PRCD: variants seen among roughly 807,000 people sequenced by gnomAD.
PRCD encodes photoreceptor disk component PRCD.
Under a neutral mutation model 10.1 loss-of-function variants are expected in PRCD, and 12 were observed. That is an observed-to-expected ratio of 1.18 (90% CI 0.76 to 1.92). The LOEUF is 1.92. Among genes scored for constraint, PRCD ranks in the 40% most tolerant of loss-of-function variants. The probability of loss-of-function intolerance (pLI) is 0.00; values close to 1 mark genes in which losing one functional copy is unlikely to be tolerated. For synonymous variants in PRCD, 31 were observed against 26.2 expected (o/e 1.18, Z -0.56); for missense variants, 61 against 72.2 (o/e 0.84, Z 0.56).
intron 1 of PRCD, among the ~76,000 whole-genome samples, chr17:76,552,399 CTG>C (rs2075116050): frequency 6.6e-6 from 1 of 151,652 alleles, no homozygotes; most frequent in Admixed American, 6.6e-5. Flanking sequence ...TGGGGTTTCA[CTG>C]TGTTAGCCAG....
At chr17:76,536,923 C>T (rs2074921159), upstream of PRCD, among the ~76,000 whole-genome samples, 1 of 152,058 alleles carries the variant, frequency 6.6e-6, no homozygotes, top group South Asian at 2.1e-4. Flanking sequence ...CTGCTCTTTG[C>T]TCTCTGTTCT....
rs1033467068 is a variant in PRCD, at chr17:76,528,249, C to T, written n.45+416C>T. ...TGCATGCTGGCCGGGCTGATAGAAA[C>T]GGGGCTGGTTTATTCCCTAAGGGAC... On this transcript the variant is annotated intron_variant and non_coding_transcript_variant, in intron 1 of 4. Coordinates refer to the PRCD transcript ENST00000397633. This position sits in a 1 kb window ranked among gnomAD's most constrained non-coding sequence, Gnocchi z 5.8. 3 of 398,794 alleles carry T rather than the reference C, an allele frequency of 7.5e-6. No individual in the cohort carries two copies. The highest frequency in any genetic ancestry group is 4.1e-5 in the African/African-American group (2 of 48,538). 24.7% of individuals were successfully genotyped at this position (398,794 alleles called of 1,614,324 possible). A position where few individuals can be genotyped will look rare whatever the true frequency, so the allele number is the denominator to read the frequency against.
chr17:76,532,535 T>TC (rs200575683), intron 1 of PRCD, among the ~76,000 whole-genome samples: 1,581 of 149,606 alleles, frequency 0.011, 25 homozygotes, highest in African/African-American at 0.036. Flanking sequence ...AATGGCTTTT[T>TC]TTTTTTTTTT....
downstream of PRCD, chr17:76,550,362 G>A (rs886338180): frequency 6.6e-6 from 1 of 151,620 alleles, no homozygotes; most frequent in African/African-American, 2.4e-5. Flanking sequence ...CCAGGTTCAA[G>A]TGATTCTCCT....
chr17:76,537,513 G>A (rs758894641), upstream of PRCD: 23 of 1,574,442 alleles, frequency 1.5e-5, no homozygotes, highest in South Asian at 1.6e-4. Flanking sequence ...CCCTGCGCTC[G>A]ATCTCCATCT....
At position 76,542,503 on chromosome 17, in the gene PRCD, T is replaced by G. The variant is rs371730918; in HGVS notation, c.144-50T>G. The stretch of plus-strand genomic sequence containing the variant: ...AGGAGGAAGAGGAGAGTCAGAAACA[T>G]GGGAAGGTCGTGCCCTTCAATCCTG... On this transcript the variant is annotated intron_variant, in intron 2 of 4. Coordinates refer to ENST00000592014, the MANE Select transcript of PRCD (RefSeq NM_001077620.3). The G allele has an allele frequency of 1.1e-3, 1,754 of 1,609,150 alleles. 2 individuals carry two copies. The highest frequency in any genetic ancestry group is 5.1e-3 in the Middle Eastern group (31 of 6,046).
chr17:76,528,849 T>G lies in PRCD; in HGVS notation n.45+1016T>G. The stretch of plus-strand genomic sequence containing the variant: ...GCTCCGGATCTTTTTCTCTAAAATG[T>G]GAATAATGTCTGTCTTGTGACATAA... On this transcript the variant is annotated intron_variant and non_coding_transcript_variant, in intron 1 of 4. Coordinates refer to the PRCD transcript ENST00000397633. The surrounding 1 kb of genome is among the most constrained non-coding windows in gnomAD (Gnocchi z 5.8). 1 of 1,216,264 alleles carries G rather than the reference T, an allele frequency of 8.2e-7. No homozygotes were observed. Among genetic ancestry groups the G allele is most frequent in the Non-Finnish European group, 1.0e-6 (1 of 974,580 alleles). The allele number at this position is 1,216,264 out of a possible 1,614,324, so 75.3% of individuals were successfully genotyped here.
chr17:76,549,547 G>C (rs912181082), downstream of PRCD, among the ~76,000 whole-genome samples: 5 of 152,158 alleles, frequency 3.3e-5, no homozygotes, highest in African/African-American at 1.2e-4. Flanking sequence ...ACAACCACTT[G>C]GGAAACCAGC....
chr17:76,549,905 A>T (rs2075089998), downstream of PRCD: 1 of 151,922 alleles, frequency 6.6e-6, no homozygotes, highest in African/African-American at 2.4e-5. Context: ...CCGGGGTTAG[A>T]TATTGTGGGG....
chr17:76,541,383 A>G (rs899830172), intron 2 of PRCD, among the ~76,000 whole-genome samples: 1 of 152,218 alleles, frequency 6.6e-6, no homozygotes, highest in Admixed American at 6.5e-5. Flanking sequence ...GTCAGGGCGC[A>G]CTGGCAGGAG....
At chr17:76,527,701 G>A (rs573805475), upstream of PRCD, 12 of 454,016 alleles carry the variant, frequency 2.6e-5, no homozygotes, top group East Asian at 7.0e-5. Context: ...CCAGCAGCCC[G>A]GATCCCCCGG....
chr17:76,545,940 G>A (rs781642593), downstream of PRCD: 3 of 158,116 alleles, frequency 1.9e-5, no homozygotes, highest in Non-Finnish European at 4.2e-5. Flanking sequence ...GGATGGCAGA[G>A]GGTGGCATTG....
chr17:76,553,418 AAG>A (rs1407181939), exon 2 of PRCD: 1 of 152,188 alleles, frequency 6.6e-6, no homozygotes, highest in Non-Finnish European at 1.5e-5. Context: ...CAGACGGAGG[AAG>A]AGACTGGCCA....
downstream of PRCD, chr17:76,545,623 C>T (rs978598815): frequency 3.0e-6 from 1 of 329,480 alleles, no homozygotes; most frequent in African/African-American, 2.2e-5. Flanking sequence ...GCACATCCTA[C>T]CTCTGTGGCC....
rs1450482644 is a variant in PRCD at position 76,545,250 on chromosome 17, C to T, written c.*1600C>T. The T allele has an allele frequency of 4.4e-6, 2 of 456,810 alleles. No homozygotes were observed. The highest frequency in any genetic ancestry group is 4.4e-6 in the Non-Finnish European group (1 of 226,990). 28.3% of individuals were successfully genotyped at this position (456,810 alleles called of 1,614,324 possible). ...ACCTCTCTCAGCCTAGAGCTCCCCA[C>T]AGAAGGCTCCTGGGACCCGGGTGCC... is the stretch of plus-strand genomic sequence containing the variant. On this transcript the variant is annotated 3_prime_UTR_variant, in exon 5 of 5. Coordinates refer to ENST00000592014, the MANE Select transcript of PRCD (RefSeq NM_001077620.3).
chr17:76,546,865 G>A (rs2075058389), downstream of PRCD: 2 of 152,226 alleles, frequency 1.3e-5, no homozygotes, highest in Admixed American at 1.3e-4. This position sits in a 1 kb window ranked among gnomAD's most constrained non-coding sequence, Gnocchi z 4.5. Context: ...AATAAGGAAA[G>A]TGAGGTTCAC....
downstream of PRCD, among the ~76,000 whole-genome samples, chr17:76,547,971 AACATACACAT>A (rs1414327430): frequency 4.0e-5 from 6 of 151,224 alleles, no homozygotes; most frequent in African/African-American, 1.5e-4. Flanking sequence ...CATACACATA[AACATACACAT>A]ACATACACAT....
In PRCD at chr17:76,544,962, C is replaced by T. The variant is rs561866680; in HGVS notation, c.*1312C>T. 16 of 453,180 alleles carry T rather than the reference C, an allele frequency of 3.5e-5. No individual in the cohort carries two copies. The highest frequency in any genetic ancestry group is 2.1e-4 in the Admixed American group (9 of 42,336). 28.1% of individuals were successfully genotyped at this position (453,180 alleles called of 1,614,324 possible). A position where few individuals can be genotyped will look rare whatever the true frequency, so the allele number is the denominator to read the frequency against. On this transcript the variant is annotated 3_prime_UTR_variant, in exon 5 of 5. Transcript: ENST00000592014. The stretch of plus-strand genomic sequence containing the variant: ...TCCAGGGATCCATCCAGAGGAAGGG[C>T]GGGAAAAAGAGAGGAAGGGGCTGCT...
rs2074843947 is a variant in PRCD at position 76,531,541 on chromosome 17, G to C, written n.45+3708G>C. The C allele has an allele frequency of 1.2e-6, 2 of 1,614,052 alleles. No homozygotes were observed. The highest frequency in any genetic ancestry group is 1.3e-5 in the African/African-American group (1 of 74,934). On this transcript the variant is annotated intron_variant and non_coding_transcript_variant, in intron 1 of 4. Transcript: ENST00000397633. This position sits in a 1 kb window ranked among gnomAD's most constrained non-coding sequence, Gnocchi z 7.4. ...CGAGCACAGAGGACACCTTGTCGGGGTCATGCAGGTTCTCCACGACAGTGT... is the reference window on the plus strand; with the variant it reads ...CGAGCACAGAGGACACCTTGTCGGGCTCATGCAGGTTCTCCACGACAGTGT...
Sources: allele counts gnomAD v4.1 joint callset (sites outside exome capture counted in the v4.1 genomes callset), GRCh38; gene constraint gnomAD v4.1.1; non-coding constraint Gnocchi (gnomAD v3.1); transcripts MANE v1.5; gene names NCBI Gene and HGNC (gene_info 2026-07-23, HGNC 2026-07-21).